The following NUDCD1 variants were observed in gnomAD, a reference collection of about 807,000 sequenced individuals.
NUDCD1 encodes nudC domain-containing protein 1.
A neutral mutation model predicts 67.8 loss-of-function variants in NUDCD1; 60 were observed. That is an observed-to-expected ratio of 0.88 (90% CI 0.72 to 1.10). The LOEUF is 1.10. Ranked by LOEUF, NUDCD1 falls within the 50% of genes least tolerant of loss-of-function variation. The pLI, the probability that NUDCD1 is intolerant of heterozygous loss-of-function variation, is 0.00. For synonymous variants in NUDCD1, 244 were observed against 230.8 expected (o/e 1.06, Z -0.52); for missense variants, 643 against 695.0 (o/e 0.93, Z 0.84).
rs940499270 is a variant in NUDCD1 at position 109,245,383 on chromosome 8, C to T, written c.1398G>A (p.Trp466Ter). ...CLRHDVDALL[W>*]QPHSSKQDDM... ...CATCTTGTTTGCTGGAGTGTGGTTG[C>T]CAGAGTAGGGCATCAACATCATGGC... The change falls in exon 9 of 10, where the codon TGG (tryptophan) becomes TGA (stop). Residue 466 changes from tryptophan (W) to a stop codon, truncating the protein, a stop_gained. Transcript: ENST00000239690. LOFTEE classifies it high-confidence loss of function. 1 of 1,613,740 alleles carries T rather than the reference C, an allele frequency of 6.2e-7. No homozygotes were observed. Among genetic ancestry groups the T allele is most frequent in the Non-Finnish European group, 8.5e-7 (1 of 1,179,870 alleles).
chr8:109,329,864 T>C (rs1369074316), intron 1 of NUDCD1: 26 of 1,548,914 alleles, frequency 1.7e-5, no homozygotes, highest in Non-Finnish European at 2.2e-5. Flanking sequence ...GACCCTTCAA[T>C]ACAAAATCAA....
rs766755945 is a variant in NUDCD1 at position 109,296,396 on chromosome 8, A to T, written c.447T>A (p.Ser149=). ...AACAAACCCTCACCTCCCATTTTTC[A>T]GAAGCGCTATTTCCACGTTCACCTG... is the stretch of plus-strand genomic sequence containing the variant. ...IGTGERGNSA[S]EKWEIMFNEE... Residue 149 remains serine, a synonymous_variant, in exon 3 of 10, where the codon TCT becomes TCA. Coordinates refer to ENST00000239690, the MANE Select transcript of NUDCD1 (RefSeq NM_032869.4). 1 of 1,612,512 alleles carries T rather than the reference A, an allele frequency of 6.2e-7. No homozygotes were observed. The highest frequency in any genetic ancestry group is 1.3e-5 in the African/African-American group (1 of 74,914).
intron 2 of NUDCD1, among the ~76,000 whole-genome samples, chr8:109,310,293 AAG>A (rs1385782147): frequency 6.6e-6 from 1 of 152,148 alleles, no homozygotes; most frequent in Non-Finnish European, 1.5e-5. Context: ...TGGAAAAAAA[AAG>A]AGAATCCATA....
intron 7 of NUDCD1, among the ~76,000 whole-genome samples, chr8:109,274,905 CAATG>C (rs1193932647): frequency 6.6e-6 from 1 of 152,068 alleles, no homozygotes; most frequent in East Asian, 1.9e-4. Context: ...GTAATTATCA[CAATG>C]AATTACATTA....
chr8:109,327,560 C>T (rs1253608513), intron 1 of NUDCD1, among the ~76,000 whole-genome samples: 2 of 152,272 alleles, frequency 1.3e-5, no homozygotes, highest in East Asian at 1.9e-4. Flanking sequence ...CCCATTTCCT[C>T]ATCTATAATA....
rs1025595698 is a variant in NUDCD1 at position 109,250,060 on chromosome 8, C to T, written c.1300-4579G>A. On this transcript the variant is annotated intron_variant, in intron 8 of 9. Coordinates refer to ENST00000239690, the MANE Select transcript of NUDCD1 (RefSeq NM_032869.4). ...GAGGGGTCTCACTATGTTGCCCAGG[C>T]TGGTCTTGAACTCAACTCAAGCAAT... Among the ~76,000 whole-genome samples the T allele has an allele frequency of 2.0e-5, 3 of 151,892 alleles. 1 individual carries two copies. Among genetic ancestry groups the T allele is most frequent in the South Asian group, 4.2e-4 (2 of 4,810 alleles).
intron 2 of NUDCD1, among the ~76,000 whole-genome samples, chr8:109,299,827 C>T (rs1482840510): frequency 6.6e-6 from 1 of 152,152 alleles, no homozygotes; most frequent in Non-Finnish European, 1.5e-5. Flanking sequence ...ATCACCAAAG[C>T]TAAGAATCCT....
intron 2 of NUDCD1, among the ~76,000 whole-genome samples, chr8:109,311,564 T>TATATATATAA: frequency 6.9e-6 from 1 of 144,016 alleles, no homozygotes; most frequent in East Asian, 1.9e-4. Context: ...GTGGTGTATA[T>TATATATATAA]ATATATATGA....
At position 109,289,917 on chromosome 8, in the gene NUDCD1, T is replaced by C; in HGVS notation, c.657A>G (p.Glu219=). Residue 219 remains glutamate, a synonymous_variant, in exon 5 of 10, where the codon GAA becomes GAG. Coordinates refer to ENST00000239690, the MANE Select transcript of NUDCD1 (RefSeq NM_032869.4). The stretch of plus-strand genomic sequence containing the variant: ...CACGGAGAATATCACGCTTAATAAT[T>C]TCATATTTTTTATTATCTGTAAGAA... ...SKKNQDNKKY[E]IIKRDILRGK... is the part of the protein sequence containing the mutation. 6.7e-7 allele frequency: 1 copy of C among 1,485,020 alleles called. No homozygotes were observed. 92.0% of individuals were successfully genotyped at this position (1,485,020 alleles called of 1,614,324 possible). A position where few individuals can be genotyped will look rare whatever the true frequency, so the allele number is the denominator to read the frequency against.
intron 2 of NUDCD1, among the ~76,000 whole-genome samples, chr8:109,319,356 T>C (rs563608562): frequency 1.3e-5 from 2 of 152,138 alleles, no homozygotes; most frequent in Admixed American, 6.5e-5. Flanking sequence ...GATTTCACAC[T>C]ACAACAGCAA....
chr8:109,302,341 T>G (rs1423503114), intron 2 of NUDCD1, among the ~76,000 whole-genome samples: 1 of 152,120 alleles, frequency 6.6e-6, no homozygotes, highest in African/African-American at 2.4e-5. Flanking sequence ...CATCGGTCCC[T>G]TCCTAATCTC....
At chr8:109,273,276 G>A (rs1814200971) in intron 7 of NUDCD1, among the ~76,000 whole-genome samples, 1 of 152,090 alleles carries the variant, frequency 6.6e-6, no homozygotes, top group African/African-American at 2.4e-5. Flanking sequence ...GCTTTCAGTT[G>A]AGATAAATGA....
intron 2 of NUDCD1, among the ~76,000 whole-genome samples, chr8:109,317,223 G>C (rs1383506621): frequency 6.6e-6 from 1 of 152,020 alleles, no homozygotes; most frequent in Admixed American, 6.6e-5. Flanking sequence ...CACTGAAAAT[G>C]ATAATAGAGA....
At chr8:109,329,964 C>G in intron 1 of NUDCD1, 13 of 1,378,404 alleles carry the variant, frequency 9.4e-6, no homozygotes, top group Non-Finnish European at 1.1e-5. Flanking sequence ...AATACAGATT[C>G]TATAGTGTAG....
At chr8:109,331,515 C>CAAAAAAAAAAAAAAAAAAAAAAAAAAAAA (rs59203626) in intron 1 of NUDCD1, among the ~76,000 whole-genome samples, 1 of 65,888 alleles carries the variant, frequency 1.5e-5, no homozygotes. Flanking sequence ...GACTCAGACT[C>CAAAAAAAAAAAAAAAAAAAAAAAAAAAAA]AAAAAAAAAA....
intron 1 of NUDCD1, among the ~76,000 whole-genome samples, chr8:109,324,235 A>T (rs1815611261): frequency 6.6e-6 from 1 of 151,926 alleles, no homozygotes; most frequent in Non-Finnish European, 1.5e-5. Flanking sequence ...TAAAGAGGGC[A>T]AAGATCTTAA....
At chr8:109,278,613 T>C (rs998001193) in intron 6 of NUDCD1, among the ~76,000 whole-genome samples, 4 of 152,216 alleles carry the variant, frequency 2.6e-5, no homozygotes, top group Non-Finnish European at 4.4e-5. Context: ...CACCATAGAT[T>C]AGTTTTGCCA....
intron 5 of NUDCD1, among the ~76,000 whole-genome samples, chr8:109,289,429 T>C (rs1285517465): frequency 1.3e-5 from 2 of 152,216 alleles, no homozygotes; most frequent in African/African-American, 4.8e-5. Context: ...ATCTTCAATA[T>C]TACACTATTA....
At chr8:109,328,676 T>C (rs1815735634) in intron 1 of NUDCD1, among the ~76,000 whole-genome samples, 1 of 152,082 alleles carries the variant, frequency 6.6e-6, no homozygotes, top group South Asian at 2.1e-4. Flanking sequence ...TAGTGGGAAA[T>C]AACCCTAGAC....
Sources: gnomAD v4.1 joint callset for allele counts (sites outside exome capture counted in the v4.1 genomes callset) on GRCh38, gnomAD v4.1.1 for gene constraint, MANE v1.5 for transcripts, NCBI Gene and HGNC (gene_info 2026-07-23, HGNC 2026-07-21) for gene names.